Variants in PTPRO observed in about 807,000 individuals in gnomAD.
PTPRO encodes the protein protein tyrosine phosphatase receptor type O, also known as receptor-type tyrosine-protein phosphatase O.
A neutral mutation model predicts 145.2 loss-of-function variants in PTPRO; 62 were observed. The ratio of observed to expected loss-of-function variants is 0.43; its 90% CI spans 0.35 to 0.53. The LOEUF (loss-of-function observed/expected upper bound fraction) is 0.53. PTPRO is among the 20% of genes least tolerant of loss of function. The pLI is 0.01. For missense variants in PTPRO, 1,345 were observed against 1,482.7 expected (o/e 0.91, Z 1.53); for synonymous variants, 565 against 514.7 (o/e 1.10, Z -1.32).
intron 23 of PTPRO, among the ~76,000 whole-genome samples, chr12:15,582,462 A>G (rs1437387044): frequency 6.6e-6 from 1 of 152,322 alleles, no homozygotes; most frequent in Non-Finnish European, 1.5e-5. Context: ...CCATTTCATC[A>G]GTGATGGTGT....
At chr12:15,548,034 T>A (rs570233494) in intron 13 of PTPRO, among the ~76,000 whole-genome samples, 1 of 152,098 alleles carries the variant, frequency 6.6e-6, no homozygotes, top group African/African-American at 2.4e-5. Context: ...CATGTTTTAG[T>A]GGATGTTATA....
rs2135689494 is a variant in PTPRO, at chr12:15,597,701, C to T, written c.*1628C>T. Among the ~76,000 whole-genome samples, 3 of 152,294 alleles carry T rather than the reference C, an allele frequency of 2.0e-5. No individual in the cohort carries two copies. In the South Asian group the frequency reaches 6.2e-4, roughly 32 times the overall value. Reference sequence around the variant, plus strand: ...TGCAGGGTGAATGGCAGAGGATGCCCATACCCTGCAGGTTAACAGCTTGGG... The same window carrying T: ...TGCAGGGTGAATGGCAGAGGATGCCTATACCCTGCAGGTTAACAGCTTGGG... On this transcript the variant is annotated 3_prime_UTR_variant, in exon 27 of 27. Coordinates refer to ENST00000281171, the MANE Select transcript of PTPRO (RefSeq NM_030667.3).
chr12:15,555,597 G>A (rs1172914437), intron 15 of PTPRO, among the ~76,000 whole-genome samples: 3 of 152,200 alleles, frequency 2.0e-5, no homozygotes, highest in African/African-American at 7.2e-5. Context: ...TAATAGTAAT[G>A]GTGGAGGAGG....
intron 1 of PTPRO, among the ~76,000 whole-genome samples, chr12:15,336,007 A>G (rs1866748499): frequency 6.6e-6 from 1 of 152,160 alleles, no homozygotes; most frequent in African/African-American, 2.4e-5. Flanking sequence ...TCTTAATTTG[A>G]TATCTTTAAG....
At chr12:15,565,160 T>A in intron 17 of PTPRO, among the ~76,000 whole-genome samples, 1 of 152,218 alleles carries the variant, frequency 6.6e-6, no homozygotes, top group East Asian at 1.9e-4. Context: ...GAAAATGTTA[T>A]TTTAGTCTTT....
chr12:15,517,156 C>T, intron 9 of PTPRO, 200 bp downstream of exon 9: 1 of 637,974 alleles, frequency 1.6e-6, no homozygotes, highest in Non-Finnish European at 2.8e-6. Context: ...ATTGGACTTA[C>T]AGTTCCACGT....
chr12:15,354,966 A>G (rs1007890411), intron 1 of PTPRO, among the ~76,000 whole-genome samples: 2 of 152,090 alleles, frequency 1.3e-5, no homozygotes, highest in African/African-American at 2.4e-5. Flanking sequence ...ACCATTCTGC[A>G]TTTCCCCCCA....
rs563914763 is a variant in PTPRO, at chr12:15,561,859, G to A, written c.2711+1583G>A. Among the ~76,000 whole-genome samples the A allele has an allele frequency of 6.6e-5, 10 of 152,146 alleles. No individual in the cohort carries two copies. The East Asian group carries it at 1.5e-3, about 24-fold the overall frequency. On this transcript the variant is annotated intron_variant, in intron 17 of 26. Coordinates refer to ENST00000281171, the MANE Select transcript of PTPRO (RefSeq NM_030667.3). ...CTGAGACTTTCTCATTTTCCACAGTGCGTTTTTAAGCTTCTGTAAGGTAGG... is the reference window on the plus strand; with the variant it reads ...CTGAGACTTTCTCATTTTCCACAGTACGTTTTTAAGCTTCTGTAAGGTAGG...
At chr12:15,438,699 T>C (rs1206412415) in intron 1 of PTPRO, among the ~76,000 whole-genome samples, 1 of 151,934 alleles carries the variant, frequency 6.6e-6, no homozygotes, top group African/African-American at 2.4e-5. Context: ...TCATGAAATA[T>C]GGGATTATGT....
intron 25 of PTPRO, among the ~76,000 whole-genome samples, chr12:15,592,612 G>T (rs543015673): frequency 6.6e-6 from 1 of 152,298 alleles, no homozygotes; most frequent in Non-Finnish European, 1.5e-5. Context: ...AAGTAGAGGC[G>T]TATTTAGAAA....
At chr12:15,523,480 ATTTACG>A (rs1407580424) in intron 10 of PTPRO, among the ~76,000 whole-genome samples, 1 of 152,076 alleles carries the variant, frequency 6.6e-6, no homozygotes, top group African/African-American at 2.4e-5. Context: ...TATTTTATTT[ATTTACG>A]TTTTTTGGCT....
chr12:15,519,190 T>A (rs1942661470), intron 9 of PTPRO, among the ~76,000 whole-genome samples: 1 of 152,174 alleles, frequency 6.6e-6, no homozygotes, highest in Admixed American at 6.5e-5. Flanking sequence ...CAAGAGAGCT[T>A]GTGCAGGAAA....
intron 13 of PTPRO, among the ~76,000 whole-genome samples, chr12:15,548,562 A>C (rs1379667536): frequency 6.6e-6 from 1 of 151,734 alleles, no homozygotes; most frequent in Non-Finnish European, 1.5e-5. Flanking sequence ...GTCTATATGC[A>C]TATGTGTGTG....
chr12:15,467,746 A>G (rs146121637), intron 1 of PTPRO, among the ~76,000 whole-genome samples: 25 of 152,250 alleles, frequency 1.6e-4, no homozygotes, highest in African/African-American at 5.5e-4. Flanking sequence ...ATTCTTATAA[A>G]TTCTTCTTCC....
chr12:15,549,348 A>G, intron 14 of PTPRO, 122 bp downstream of exon 14: 1 of 781,170 alleles, frequency 1.3e-6, no homozygotes, highest in Non-Finnish European at 1.8e-6. Flanking sequence ...CTTAATTTCA[A>G]TCCCAAAGTG....
At chr12:15,475,885 A>T (rs1020290979) in intron 1 of PTPRO, among the ~76,000 whole-genome samples, 6 of 152,146 alleles carry the variant, frequency 3.9e-5, no homozygotes, top group Non-Finnish European at 2.9e-5. Context: ...AACTTCTATC[A>T]TGGGTATGAT....
At position 15,484,177 on chromosome 12, in the gene PTPRO, T is replaced by C. The variant is rs757304893; in HGVS notation, c.279T>C (p.Tyr93=). The change falls in exon 2 of 27, where the codon TAT becomes TAC. Residue 93 remains tyrosine, a synonymous_variant. Coordinates refer to ENST00000281171, the MANE Select transcript of PTPRO (RefSeq NM_030667.3). ...IFKASYHGLY[Y]IITLVVVNGN... is the part of the protein sequence containing the mutation. Reference sequence around the variant, plus strand: ...AGGCCAGTTATCATGGCCTTTATTATATAATCACTCTGGTAGTGGTAAATG... The same window carrying C: ...AGGCCAGTTATCATGGCCTTTATTACATAATCACTCTGGTAGTGGTAAATG... The C allele has an allele frequency of 2.0e-5, 32 of 1,613,656 alleles. No homozygotes were observed. Among genetic ancestry groups the C allele is most frequent in the Middle Eastern group, 1.6e-4 (1 of 6,062 alleles).
intron 10 of PTPRO, among the ~76,000 whole-genome samples, chr12:15,522,796 T>C (rs1161369244): frequency 6.6e-6 from 1 of 152,170 alleles, no homozygotes; most frequent in Non-Finnish European, 1.5e-5. Context: ...CTTCCAGCAA[T>C]ATGCTAGGTT....
At chr12:15,483,862 C>A in intron 1 of PTPRO, 112 bp from the exon 2 acceptor site, 1 of 1,173,436 alleles carries the variant, frequency 8.5e-7, no homozygotes, top group South Asian at 1.4e-5. Context: ...TTACCATAAA[C>A]ATAACTAATG....
Sources: gnomAD v4.1 joint callset for allele counts (sites outside exome capture counted in the v4.1 genomes callset) on GRCh38, gnomAD v4.1.1 for gene constraint, MANE v1.5 for transcripts, NCBI Gene and HGNC (gene_info 2026-07-23, HGNC 2026-07-21) for gene names.